FRMD4A: variants seen among roughly 807,000 people sequenced by gnomAD.
FRMD4A encodes the protein FERM domain containing 4A.
FRMD4A carries 29 observed loss-of-function variants against 129.1 expected under a neutral mutation model. The observed-to-expected ratio is 0.22, with a 90% confidence interval of 0.17 to 0.31. The LOEUF is 0.31. FRMD4A is among the 10% of genes least tolerant of loss of function. The pLI, the probability that FRMD4A is intolerant of heterozygous loss-of-function variation, is 1.00. For synonymous variants in FRMD4A, 634 were observed against 571.6 expected (o/e 1.11, Z -1.56); for missense variants, 1,272 against 1,375.8 (o/e 0.92, Z 1.19).
rs113645844 is a variant in FRMD4A, at chr10:14,306,890, G to A, written c.45+23168C>T. 7.9e-5 allele frequency among the ~76,000 whole-genome samples: 12 copies of A among 152,274 alleles called. No homozygotes were observed. In the South Asian group the frequency reaches 1.7e-3, roughly 21 times the overall value. On this transcript the variant is annotated intron_variant, in intron 2 of 24. Transcript: ENST00000357447. ...AAAGCAATTTTAGTGTGTATGGGGC[G>A]GGATGGGGAGAGAAGGCAGAGGAAC...
chr10:13,715,207 G>A (rs1386500003), intron 12 of FRMD4A, among the ~76,000 whole-genome samples: 1 of 152,092 alleles, frequency 6.6e-6, no homozygotes. Context: ...GGAGCCCTCA[G>A]TTCTAGCTCT....
chr10:14,185,550 A>G lies in FRMD4A; in HGVS notation c.45+144508T>C, dbSNP rs146828715. On this transcript the variant is annotated intron_variant, in intron 2 of 24. Transcript: ENST00000357447. Reference sequence around the variant, plus strand: ...AGAACTATGGAAACTTGAAACATAAAGCAAGACTATTTAAAGGTTCAATCT... The same window carrying G: ...AGAACTATGGAAACTTGAAACATAAGGCAAGACTATTTAAAGGTTCAATCT... Among the ~76,000 whole-genome samples, 254 of 152,344 alleles carry G rather than the reference A, an allele frequency of 1.7e-3. 2 individuals are homozygous for G. The Middle Eastern group carries it at 0.024, about 14-fold the overall frequency.
chr10:14,220,639 C>G (rs1035743972), intron 2 of FRMD4A, among the ~76,000 whole-genome samples: 2 of 152,278 alleles, frequency 1.3e-5, no homozygotes, highest in Non-Finnish European at 2.9e-5. Flanking sequence ...CAGTAAATGA[C>G]TCTTAAATTC....
At chr10:13,805,113 A>G (rs2093337103) in intron 4 of FRMD4A, among the ~76,000 whole-genome samples, 1 of 152,154 alleles carries the variant, frequency 6.6e-6, no homozygotes, top group Non-Finnish European at 1.5e-5. Context: ...TGATGAAATC[A>G]GAGGTTAAAA....
At chr10:14,195,852 C>G (rs763397856) in intron 2 of FRMD4A, among the ~76,000 whole-genome samples, 1 of 152,178 alleles carries the variant, frequency 6.6e-6, no homozygotes, top group Non-Finnish European at 1.5e-5. Flanking sequence ...TGTTGTATGT[C>G]CTGTCACAGT....
intron 2 of FRMD4A, among the ~76,000 whole-genome samples, chr10:14,069,446 G>A (rs1835214950): frequency 6.6e-6 from 1 of 152,162 alleles, no homozygotes; most frequent in South Asian, 2.1e-4. Context: ...TCATAAGTTT[G>A]ATAAGAGTTC....
chr10:14,184,029 T>C (rs1841992434), intron 2 of FRMD4A, among the ~76,000 whole-genome samples: 1 of 152,176 alleles, frequency 6.6e-6, no homozygotes, highest in Non-Finnish European at 1.5e-5. Flanking sequence ...TGTTTTTACC[T>C]GGTCATGGTT....
chr10:13,900,531 T>A (rs766860803), intron 2 of FRMD4A, among the ~76,000 whole-genome samples: 1 of 152,204 alleles, frequency 6.6e-6, no homozygotes, highest in South Asian at 2.1e-4. Context: ...GTTAACATTC[T>A]AAGTATACTC....
At position 13,656,822 on chromosome 10, in the gene FRMD4A, C is replaced by T. The variant is rs754593288; in HGVS notation, c.2767G>A (p.Ala923Thr). The T allele has an allele frequency of 5.1e-6, 8 of 1,569,568 alleles. No homozygotes were observed. The highest frequency in any genetic ancestry group is 5.2e-6 in the Non-Finnish European group (6 of 1,161,376). ...GAHDKGAGRA[A>T]VSDELRQWYQ... is the part of the protein sequence containing the mutation. The stretch of plus-strand genomic sequence containing the variant: ...CACTGGCGCAGCTCGTCTGAGACGG[C>T]GGCACGGCCCGCGCCCTTGTCGTGG... Residue 923 changes from alanine to threonine, a missense_variant, in exon 22 of 25, where the codon GCC becomes ACC. This residue lies in a region of FRMD4A where 972 missense variants were observed against 892.3 expected (regional missense o/e 1.09). Coordinates refer to ENST00000357447, the MANE Select transcript of FRMD4A (RefSeq NM_018027.5).
intron 2 of FRMD4A, among the ~76,000 whole-genome samples, chr10:14,185,683 G>A (rs190791222): frequency 1.4e-3 from 220 of 152,316 alleles, no homozygotes; most frequent in Middle Eastern, 0.01. Flanking sequence ...CAGAAGAGAG[G>A]ATAGCAGCAG....
At chr10:13,676,989 T>A (rs1257723934) in intron 15 of FRMD4A, among the ~76,000 whole-genome samples, 1 of 152,200 alleles carries the variant, frequency 6.6e-6, no homozygotes, top group Admixed American at 6.5e-5. Flanking sequence ...TTCTGTTTCT[T>A]CCAATGGTAG....
At chr10:13,979,047 C>G (rs1421811831) in intron 2 of FRMD4A, among the ~76,000 whole-genome samples, 1 of 152,230 alleles carries the variant, frequency 6.6e-6, no homozygotes, top group Non-Finnish European at 1.5e-5. Flanking sequence ...TGAATTAAAT[C>G]AGTCCAGGCC....
rs2095535539 is a variant in FRMD4A, at chr10:13,974,830, C to T, written c.46-115918G>A. 2.0e-5 allele frequency among the ~76,000 whole-genome samples: 3 copies of T among 152,204 alleles called. No homozygotes were observed. The South Asian group carries it at 6.2e-4, about 31-fold the overall frequency. ...GTGTGAGCCACTGCACCTGGCTCTG[C>T]CCTAGCCTTTAAATCGCTAATTCAG... On this transcript the variant is annotated intron_variant, in intron 2 of 24. Coordinates refer to ENST00000357447, the MANE Select transcript of FRMD4A (RefSeq NM_018027.5).
intron 2 of FRMD4A, among the ~76,000 whole-genome samples, chr10:13,965,738 G>T (rs1478996667): frequency 6.6e-6 from 1 of 152,136 alleles, no homozygotes; most frequent in Non-Finnish European, 1.5e-5. Context: ...CTTTCTTTCA[G>T]TAATGAAAGG....
intron 2 of FRMD4A, among the ~76,000 whole-genome samples, chr10:14,169,502 TG>T (rs1841364655): frequency 6.6e-6 from 1 of 152,224 alleles, no homozygotes; most frequent in Non-Finnish European, 1.5e-5. Context: ...GAGATCTCCC[TG>T]TCTTTCTGCT....
chr10:14,014,896 T>C (rs1401742773), intron 2 of FRMD4A, among the ~76,000 whole-genome samples: 3 of 151,852 alleles, frequency 2.0e-5, no homozygotes, highest in African/African-American at 4.8e-5. Flanking sequence ...AGATACATTT[T>C]TCCCTCCCTC....
rs2083022612 is a variant in FRMD4A, at chr10:13,666,196, T to G, written c.1504A>C (p.Asn502His). The G allele has an allele frequency of 6.2e-7, 1 of 1,613,520 alleles. No individual in the cohort carries two copies. Among genetic ancestry groups the G allele is most frequent in the African/African-American group, 1.3e-5 (1 of 75,024 alleles). The change falls in exon 18 of 25, where the codon AAT becomes CAT. Residue 502 changes from asparagine to histidine, a missense_variant. Around this residue, in one of 2 missense-constraint regions of FRMD4A, gnomAD observed 972 missense variants for 892.3 expected, o/e 1.09. Transcript: ENST00000357447. ...LKKQRKTSYL[N>H]ALKKLQEIEN... ...ATCTCCTGCAGTTTCTTCAGTGCAT[T>G]CAGATACGAGGTTTTCCTTTGTTTC...
At chr10:13,730,408 C>A (rs1456907906) in intron 12 of FRMD4A, among the ~76,000 whole-genome samples, 1 of 152,144 alleles carries the variant, frequency 6.6e-6, no homozygotes, top group Non-Finnish European at 1.5e-5. Context: ...TGCCCGAAAC[C>A]CGTGGGATAC....
At chr10:13,702,546 G>A (rs867077906) in intron 13 of FRMD4A, among the ~76,000 whole-genome samples, 2,774 of 143,966 alleles carry the variant, frequency 0.019, 68 homozygotes, top group East Asian at 0.069. Context: ...TTGCATGTGT[G>A]TGTGTGTGTG....
Sources: gnomAD v4.1 joint callset for allele counts (sites outside exome capture counted in the v4.1 genomes callset) on GRCh38, gnomAD v4.1.1 for gene constraint, gnomAD v4.1.1 regional missense constraint, MANE v1.5 for transcripts, NCBI Gene and HGNC (gene_info 2026-07-23, HGNC 2026-07-21) for gene names.